FSTL5: variants seen among roughly 807,000 people sequenced by gnomAD.
FSTL5 encodes the protein follistatin like 5, also known as follistatin-related protein 5.
A neutral mutation model predicts 89.1 loss-of-function variants in FSTL5; 62 were observed. The ratio of observed to expected loss-of-function variants is 0.70; its 90% CI spans 0.57 to 0.86. The LOEUF (loss-of-function observed/expected upper bound fraction) is 0.86, where lower values mean the gene tolerates loss of function less well. Ranked by LOEUF, FSTL5 falls within the 40% of genes least tolerant of loss-of-function variation. The pLI is 0.00. For synonymous variants in FSTL5, 383 were observed against 346.2 expected, an observed-to-expected ratio of 1.11 and a Z score of -1.18; for missense variants, 1,057 against 1,001.6, an observed-to-expected ratio of 1.06 and a Z score of -0.75.
At chr4:162,131,671 G>A (rs1732305943) in intron 1 of FSTL5, among the ~76,000 whole-genome samples, 1 of 152,130 alleles carries the variant, frequency 6.6e-6, no homozygotes, top group African/African-American at 2.4e-5. Flanking sequence ...AAGATTCCCT[G>A]GGCTAGAAAG....
chr4:161,736,795 T>C (rs887084828), intron 6 of FSTL5, among the ~76,000 whole-genome samples: 3 of 152,082 alleles, frequency 2.0e-5, no homozygotes, highest in Non-Finnish European at 4.4e-5. Context: ...TTGCAGAAGA[T>C]GTCTGTGGAT....
chr4:161,462,096 A>T (rs2126416349), intron 13 of FSTL5, among the ~76,000 whole-genome samples: 1 of 152,314 alleles, frequency 6.6e-6, no homozygotes, highest in Admixed American at 6.5e-5. Flanking sequence ...TCTTATAGAG[A>T]CATACTACAA....
intron 3 of FSTL5, among the ~76,000 whole-genome samples, chr4:161,980,971 GCTGGT>G (rs2111048099): frequency 6.6e-6 from 1 of 151,904 alleles, no homozygotes; most frequent in East Asian, 1.9e-4. Context: ...TATTGGCCAG[GCTGGT>G]CTCAAACTCC....
At chr4:162,111,448 T>C in intron 1 of FSTL5, 36 bp from the exon 2 acceptor site, 5 of 1,471,716 alleles carry the variant, frequency 3.4e-6, no homozygotes, top group Non-Finnish European at 4.7e-6. Flanking sequence ...TCAGAGAAAA[T>C]GAATTATATA....
intron 4 of FSTL5, among the ~76,000 whole-genome samples, chr4:161,792,126 C>T (rs1490749936): frequency 1.3e-5 from 2 of 152,174 alleles, no homozygotes; most frequent in East Asian, 1.9e-4. Context: ...TGGGCTCTCC[C>T]AACTCCTGGT....
intron 3 of FSTL5, among the ~76,000 whole-genome samples, chr4:161,981,618 C>T (rs984501367): frequency 6.6e-6 from 1 of 152,166 alleles, no homozygotes; most frequent in South Asian, 2.1e-4. Context: ...TCCATAATGA[C>T]ATATGATTGT....
At chr4:161,985,457 T>C (rs939933839) in intron 3 of FSTL5, among the ~76,000 whole-genome samples, 8 of 152,072 alleles carry the variant, frequency 5.3e-5, no homozygotes, top group Middle Eastern at 3.2e-3. Context: ...CATCTATTAA[T>C]ATTACATAGT....
chr4:161,791,276 C>G (rs574583283), intron 4 of FSTL5, among the ~76,000 whole-genome samples: 1 of 152,136 alleles, frequency 6.6e-6, no homozygotes, highest in South Asian at 2.1e-4. Context: ...CAAAAGCGAT[C>G]ATTTACACAC....
chr4:161,806,849 T>A (rs1431447019), intron 4 of FSTL5, among the ~76,000 whole-genome samples: 2 of 152,080 alleles, frequency 1.3e-5, no homozygotes, highest in Non-Finnish European at 2.9e-5. Context: ...AGAGATAGGT[T>A]CATGAAAGTT....
At chr4:161,430,246 G>A (rs62325058) in intron 15 of FSTL5, among the ~76,000 whole-genome samples, 20,981 of 151,812 alleles carry the variant, frequency 0.14, 1,741 homozygotes, top group East Asian at 0.24. Context: ...CGAGATCTAG[G>A]AAATATCCTC....
chr4:162,106,699 G>A (rs1254377648), intron 2 of FSTL5, among the ~76,000 whole-genome samples: 1 of 152,104 alleles, frequency 6.6e-6, no homozygotes. Context: ...TTGTAATTAG[G>A]TAATGTGGGT....
rs979717174 is a variant in FSTL5 at position 161,587,651 on chromosome 4, T to A, written c.895-76A>T. The A allele has an allele frequency of 2.6e-6, 3 of 1,167,770 alleles. No individual in the cohort carries two copies. The African/African-American group carries it at 4.6e-5, about 18-fold the overall frequency. 72.3% of individuals were successfully genotyped at this position (1,167,770 alleles called of 1,614,324 possible). On this transcript the variant is annotated intron_variant, in intron 7 of 15. Transcript: ENST00000306100. ...CAATTTCAATTTTTAAAAGGTGTATTCAGGTACAAAACAAATAGACTCAAA... is the reference window on the plus strand; with the variant it reads ...CAATTTCAATTTTTAAAAGGTGTATACAGGTACAAAACAAATAGACTCAAA...
intron 10 of FSTL5, among the ~76,000 whole-genome samples, chr4:161,531,325 T>C (rs1731405004): frequency 6.6e-6 from 1 of 152,158 alleles, no homozygotes; most frequent in African/African-American, 2.4e-5. Flanking sequence ...GCAAATGTAG[T>C]GTAGGAAAAA....
chr4:161,958,102 G>A (rs1257107606), intron 3 of FSTL5, among the ~76,000 whole-genome samples: 1 of 151,742 alleles, frequency 6.6e-6, no homozygotes, highest in Non-Finnish European at 1.5e-5. Flanking sequence ...TTCTTCTACA[G>A]TGTCTGATCT....
At chr4:161,737,159 A>T (rs1400484380) in intron 6 of FSTL5, among the ~76,000 whole-genome samples, 1 of 152,116 alleles carries the variant, frequency 6.6e-6, no homozygotes, top group Non-Finnish European at 1.5e-5. Context: ...TTTAAAGTTC[A>T]GATTTTTGCT....
At chr4:162,140,259 T>TAC (rs909346840) in intron 1 of FSTL5, among the ~76,000 whole-genome samples, 1 of 152,188 alleles carries the variant, frequency 6.6e-6, no homozygotes, top group Non-Finnish European at 1.5e-5. Context: ...TTTGCAATTC[T>TAC]ACTCCTGTGG....
intron 15 of FSTL5, among the ~76,000 whole-genome samples, chr4:161,439,808 A>T (rs975619825): frequency 6.6e-6 from 1 of 152,128 alleles, no homozygotes; most frequent in East Asian, 1.9e-4. Context: ...ATACTTTCAA[A>T]TTTTTTATGC....
intron 3 of FSTL5, among the ~76,000 whole-genome samples, chr4:162,026,607 T>A (rs1429470670): frequency 1.3e-5 from 2 of 151,976 alleles, no homozygotes; most frequent in Non-Finnish European, 1.5e-5. Flanking sequence ...TATATATTTT[T>A]TTACAAACCT....
intron 2 of FSTL5, among the ~76,000 whole-genome samples, chr4:162,089,852 CT>C (rs1721683025): frequency 6.6e-6 from 1 of 151,952 alleles, no homozygotes; most frequent in Non-Finnish European, 1.5e-5. Context: ...CATTAAAAAT[CT>C]GCAAAATGTT....
Sources: gnomAD v4.1 joint callset for allele counts (sites outside exome capture counted in the v4.1 genomes callset) on GRCh38, gnomAD v4.1.1 for gene constraint, MANE v1.5 for transcripts, NCBI Gene and HGNC (gene_info 2026-07-23, HGNC 2026-07-21) for gene names.